The following TANGO6 variants were observed in gnomAD, a reference collection of about 807,000 sequenced individuals.
The protein encoded by TANGO6 is transport and golgi organization 6 homolog.
TANGO6 carries 90 observed loss-of-function variants against 114.2 expected under a neutral mutation model. The ratio of observed to expected loss-of-function variants is 0.79; its 90% confidence interval spans 0.66 to 0.94. The LOEUF is 0.94. Ranked by LOEUF, TANGO6 falls within the 40% of genes least tolerant of loss-of-function variation. TANGO6 has a pLI of 0.00. For missense variants in TANGO6, 1,274 were observed against 1,315.3 expected (o/e 0.97, Z 0.49); for synonymous variants, 477 against 509.8 (o/e 0.94, Z 0.87).
chr16:69,054,818 G>A (rs1398350204), intron 17 of TANGO6, among the ~76,000 whole-genome samples: 1 of 151,652 alleles, frequency 6.6e-6, no homozygotes, highest in Non-Finnish European at 1.5e-5. Context: ...GCAGGTGCCT[G>A]TAGTCCCAGC....
At chr16:69,074,424 G>C (rs1164673103) in intron 17 of TANGO6, among the ~76,000 whole-genome samples, 1 of 152,006 alleles carries the variant, frequency 6.6e-6, no homozygotes, top group Non-Finnish European at 1.5e-5. Context: ...TGAAAGAACA[G>C]CTGCTCCATA....
At chr16:68,907,652 T>A (rs1195587915) in intron 10 of TANGO6, 77 bp downstream of exon 10, 2 of 1,456,868 alleles carry the variant, frequency 1.4e-6, no homozygotes, top group Non-Finnish European at 9.1e-7. Flanking sequence ...TCAAAGCATT[T>A]ATAATTTTAG....
intron 1 of TANGO6, among the ~76,000 whole-genome samples, chr16:68,853,974 T>G (rs1251818185): frequency 6.6e-6 from 1 of 152,232 alleles, no homozygotes; most frequent in Admixed American, 6.5e-5. Flanking sequence ...AAAAATAGTT[T>G]GTTTTATTGA....
intron 14 of TANGO6, among the ~76,000 whole-genome samples, chr16:68,972,478 G>A (rs1439417360): frequency 6.6e-6 from 1 of 152,124 alleles, no homozygotes; most frequent in African/African-American, 2.4e-5. Flanking sequence ...GATTTCTCAA[G>A]CATTTATATT....
chr16:68,979,954 C>G (rs571230414), intron 15 of TANGO6, among the ~76,000 whole-genome samples: 1 of 151,514 alleles, frequency 6.6e-6, no homozygotes, highest in South Asian at 2.1e-4. Context: ...AAACAATTCT[C>G]TGCCTCAGCC....
intron 7 of TANGO6, among the ~76,000 whole-genome samples, chr16:68,882,141 CTGGAGTTA>C (rs1329365827): frequency 6.6e-6 from 1 of 151,864 alleles, no homozygotes; most frequent in African/African-American, 2.4e-5. Context: ...AAAGTTAAAC[CTGGAGTTA>C]TCATATGGGC....
chr16:68,959,298 G>GA (rs1262729521), intron 14 of TANGO6, among the ~76,000 whole-genome samples: 1 of 152,014 alleles, frequency 6.6e-6, no homozygotes, highest in African/African-American at 2.4e-5. Context: ...GTTAAATAAG[G>GA]AAAAAATGGG....
chr16:68,988,827 T>C (rs1963921524), intron 15 of TANGO6, among the ~76,000 whole-genome samples: 1 of 151,716 alleles, frequency 6.6e-6, no homozygotes, highest in South Asian at 2.1e-4. Flanking sequence ...GTCTCCCAAG[T>C]AGCTAGGACT....
intron 15 of TANGO6, among the ~76,000 whole-genome samples, chr16:68,989,053 G>T (rs1177462332): frequency 6.6e-6 from 1 of 152,070 alleles, no homozygotes; most frequent in East Asian, 1.9e-4. Flanking sequence ...TTGTGGGAAT[G>T]GGTTTTCACC....
intron 11 of TANGO6, among the ~76,000 whole-genome samples, chr16:68,913,275 G>A (rs1318932557): frequency 1.3e-5 from 2 of 151,646 alleles, no homozygotes; most frequent in Admixed American, 1.3e-4. Flanking sequence ...GTAGAGATGG[G>A]GTCTCACTGT....
intron 3 of TANGO6, among the ~76,000 whole-genome samples, chr16:68,863,940 C>T (rs1056937569): frequency 6.6e-6 from 1 of 150,982 alleles, no homozygotes; most frequent in Non-Finnish European, 1.5e-5. Flanking sequence ...TTTGGGAGGC[C>T]AAGGTGGGTG....
intron 14 of TANGO6, among the ~76,000 whole-genome samples, chr16:68,963,559 T>G (rs1393348487): frequency 1.3e-5 from 2 of 152,214 alleles, no homozygotes; most frequent in Admixed American, 1.3e-4. Flanking sequence ...ATTTAAAAAA[T>G]TTTGGACATG....
At chr16:68,931,523 GGATA>G (rs1201910317) in intron 14 of TANGO6, among the ~76,000 whole-genome samples, 1 of 152,146 alleles carries the variant, frequency 6.6e-6, no homozygotes, top group Admixed American at 6.6e-5. Flanking sequence ...GTTGATGAAT[GGATA>G]AACTAAATGT....
At chr16:68,986,091 C>T (rs1485514904) in intron 15 of TANGO6, among the ~76,000 whole-genome samples, 1 of 152,150 alleles carries the variant, frequency 6.6e-6, no homozygotes, top group Non-Finnish European at 1.5e-5. Flanking sequence ...TCATGACGTA[C>T]AAAGAACAGT....
chr16:69,058,601 G>A (rs1960070012), intron 17 of TANGO6, among the ~76,000 whole-genome samples: 1 of 152,332 alleles, frequency 6.6e-6, no homozygotes, highest in East Asian at 1.9e-4. Context: ...TGAGGAAGAG[G>A]TGAAGTATTA....
intron 16 of TANGO6, among the ~76,000 whole-genome samples, chr16:69,037,235 A>T (rs1378683064): frequency 6.6e-6 from 1 of 152,080 alleles, no homozygotes; most frequent in Non-Finnish European, 1.5e-5. Context: ...TTAATGCACA[A>T]ATGCCCAACT....
At chr16:69,016,765 T>C (rs1215258282) in intron 15 of TANGO6, among the ~76,000 whole-genome samples, 2 of 152,150 alleles carry the variant, frequency 1.3e-5, no homozygotes. Flanking sequence ...GTTAAAGCTA[T>C]TCTTCTGCCT....
chr16:68,849,238 G>A (rs1961863698), intron 1 of TANGO6, among the ~76,000 whole-genome samples: 1 of 152,178 alleles, frequency 6.6e-6, no homozygotes, highest in South Asian at 2.1e-4. Context: ...GGAGGCTGAG[G>A]CAGGAGAACT....
At chr16:68,947,766 A>G (rs1454241890) in intron 14 of TANGO6, among the ~76,000 whole-genome samples, 3 of 151,768 alleles carry the variant, frequency 2.0e-5, no homozygotes, top group African/African-American at 7.3e-5. Context: ...TAATTTTTGT[A>G]TTTTTAGTAG....
Sources: allele counts gnomAD v4.1 joint callset (sites outside exome capture counted in the v4.1 genomes callset), GRCh38; gene constraint gnomAD v4.1.1; transcripts MANE v1.5; gene names NCBI Gene and HGNC (gene_info 2026-07-23, HGNC 2026-07-21).